The following ARMC2 variants were observed in gnomAD, a reference collection of about 807,000 sequenced individuals.
ARMC2 encodes the protein armadillo repeat containing 2.
A neutral mutation model predicts 90.3 loss-of-function variants in ARMC2; 67 were observed. That is an observed-to-expected ratio of 0.74 (90% CI 0.61 to 0.91). The LOEUF (loss-of-function observed/expected upper bound fraction) is 0.91. Among genes scored for constraint, ARMC2 ranks in the 40% least tolerant of loss-of-function variants. ARMC2 has a pLI of 0.00. For synonymous variants in ARMC2, 393 were observed against 393.0 expected (o/e 1.00, Z 0.00); for missense variants, 920 against 1,030.9 (o/e 0.89, Z 1.47).
chr6:108,960,439 C>T (rs915668500), intron 13 of ARMC2, among the ~76,000 whole-genome samples: 12 of 152,152 alleles, frequency 7.9e-5, no homozygotes, highest in African/African-American at 2.9e-4. Context: ...CCACTAAGGG[C>T]CTTATGTGCT....
At chr6:109,009,509 A>C in the ARMC2 span, 2 of 1,203,088 alleles carry the variant, frequency 1.7e-6, no homozygotes, top group Non-Finnish European at 2.1e-6. Context: ...AGCGCTGGGC[A>C]GCCGGCCGCG....
the ARMC2 span, among the ~76,000 whole-genome samples, chr6:108,992,288 A>AT: frequency 5.3e-5 from 8 of 151,166 alleles, no homozygotes; most frequent in South Asian, 6.3e-4. Flanking sequence ...TTTTATTTTT[A>AT]TTTTTTTTGT....
At chr6:108,849,087 G>A (rs1193291314) in intron 1 of ARMC2, among the ~76,000 whole-genome samples, 1 of 152,158 alleles carries the variant, frequency 6.6e-6, no homozygotes, top group Non-Finnish European at 1.5e-5. Flanking sequence ...TTATATCTGG[G>A]CACTTCCAGG....
chr6:109,030,633 C>A, the ARMC2 span, among the ~76,000 whole-genome samples: 1 of 152,098 alleles, frequency 6.6e-6, no homozygotes, highest in Non-Finnish European at 1.5e-5. Context: ...AAAAATAAGT[C>A]TGGAATCTTC....
chr6:108,946,906 G>A (rs547915895), intron 12 of ARMC2, among the ~76,000 whole-genome samples: 2 of 152,340 alleles, frequency 1.3e-5, no homozygotes, highest in South Asian at 2.1e-4. Flanking sequence ...AGTCGGGGAG[G>A]AATGTGTTCA....
intron 3 of ARMC2, among the ~76,000 whole-genome samples, chr6:108,865,587 T>C (rs1775732892): frequency 6.6e-6 from 1 of 152,242 alleles, no homozygotes; most frequent in South Asian, 2.1e-4. Context: ...TTTTATTATA[T>C]ACAGTTACTA....
chr6:108,879,112 TCATCCATC>T (rs982015100), intron 5 of ARMC2, among the ~76,000 whole-genome samples: 5 of 148,150 alleles, frequency 3.4e-5, no homozygotes, highest in Admixed American at 2.7e-4. Context: ...ACCCATCCAT[TCATCCATC>T]CATCCATCCA....
At chr6:108,892,233 C>T (rs1398933024) in intron 5 of ARMC2, among the ~76,000 whole-genome samples, 4 of 152,192 alleles carry the variant, frequency 2.6e-5, no homozygotes, top group Non-Finnish European at 5.9e-5. Context: ...GCTCCACACC[C>T]TGACAAACTT....
downstream of ARMC2, among the ~76,000 whole-genome samples, chr6:108,974,991 TTCTC>T (rs895737647): frequency 3.3e-5 from 5 of 151,848 alleles, no homozygotes; most frequent in African/African-American, 1.2e-4. Flanking sequence ...ACGAGAATCT[TTCTC>T]TCTCTCTTTT....
chr6:108,886,021 C>T (rs1306990783), intron 5 of ARMC2, among the ~76,000 whole-genome samples: 1 of 152,194 alleles, frequency 6.6e-6, no homozygotes, highest in Non-Finnish European at 1.5e-5. Flanking sequence ...ACATTTACTA[C>T]CTGCCTTGAT....
chr6:109,009,373 G>A, the ARMC2 span: 2 of 1,468,440 alleles, frequency 1.4e-6, no homozygotes, highest in Non-Finnish European at 9.0e-7. Flanking sequence ...TCCTGGTCGC[G>A]GCCCCCGCCG....
At chr6:108,898,093 T>A (rs1771774516) in intron 6 of ARMC2, among the ~76,000 whole-genome samples, 1 of 152,182 alleles carries the variant, frequency 6.6e-6, no homozygotes, top group African/African-American at 2.4e-5. Context: ...GGTAAAGCAA[T>A]TTGCCCATAG....
At chr6:109,017,312 G>A in the ARMC2 span, among the ~76,000 whole-genome samples, 60 of 152,182 alleles carry the variant, frequency 3.9e-4, no homozygotes, top group East Asian at 0.011. Flanking sequence ...TTTAGACAGA[G>A]TCTCACTCTG....
the ARMC2 span, among the ~76,000 whole-genome samples, chr6:109,019,654 AT>A: frequency 3.3e-5 from 5 of 152,342 alleles, no homozygotes; most frequent in African/African-American, 1.2e-4. Flanking sequence ...AATCATAAAA[AT>A]TTGACCTAAT....
chr6:109,022,411 CTTTTTTTTTTT>C, the ARMC2 span, among the ~76,000 whole-genome samples: 62 of 65,878 alleles, frequency 9.4e-4, no homozygotes, highest in Non-Finnish European at 1.0e-3. Context: ...TGTTCTAAAG[CTTTTTTTTTTT>C]TTTTTTTTTT....
chr6:108,883,048 G>A (rs1436697448), intron 5 of ARMC2, among the ~76,000 whole-genome samples: 1 of 152,212 alleles, frequency 6.6e-6, no homozygotes, highest in African/African-American at 2.4e-5. Flanking sequence ...TACGCACTCA[G>A]TGAATAATTG....
rs749104790 is a variant in ARMC2, at chr6:108,937,842, G to C, written c.1596+843G>C. The stretch of plus-strand genomic sequence containing the variant: ...CCCGAGTAGCTGGGACTACAGGCGT[G>C]CCACCACACCTGGCTAATTTTGTTT... On this transcript the variant is annotated intron_variant, in intron 12 of 17. Transcript: ENST00000392644. Among the ~76,000 whole-genome samples, 46 of 152,126 alleles carry C rather than the reference G, an allele frequency of 3.0e-4. No homozygotes were observed. In the Middle Eastern group the frequency reaches 0.014, roughly 45 times the overall value.
chr6:108,924,535 G>T (rs904315305), intron 10 of ARMC2, among the ~76,000 whole-genome samples: 1 of 152,224 alleles, frequency 6.6e-6, no homozygotes, highest in South Asian at 2.1e-4. Flanking sequence ...GGGGAGAAGG[G>T]GTGGCAAAGT....
intron 8 of ARMC2, among the ~76,000 whole-genome samples, chr6:108,909,529 ATTTTC>A (rs1012246279): frequency 6.6e-5 from 10 of 151,452 alleles, no homozygotes; most frequent in African/African-American, 2.2e-4. Flanking sequence ...TTAGAAGAGA[ATTTTC>A]TTTTCTTTTT....
Sources: allele counts gnomAD v4.1 joint callset (sites outside exome capture counted in the v4.1 genomes callset), GRCh38; gene constraint gnomAD v4.1.1; transcripts MANE v1.5; gene names NCBI Gene and HGNC (gene_info 2026-07-23, HGNC 2026-07-21).